MYO1H: variants seen among roughly 807,000 people sequenced by gnomAD.
MYO1H encodes the protein myosin IH.
A neutral mutation model predicts 149.3 loss-of-function variants in MYO1H; 118 were observed. The observed-to-expected ratio is 0.79, with a 90% CI of 0.68 to 0.92. The LOEUF is 0.92. Among genes scored for constraint, MYO1H ranks in the 40% least tolerant of loss-of-function variants. The pLI is 0.00. For synonymous variants in MYO1H, 447 were observed against 465.2 expected (o/e 0.96, Z 0.50); for missense variants, 1,212 against 1,280.7 (o/e 0.95, Z 0.82).
At chr12:109,411,943 A>C (rs548468493) in exon 14 of MYO1H, 2 of 1,606,142 alleles carry the variant, frequency 1.2e-6, no homozygotes, top group South Asian at 2.2e-5. Context: ...AGTTTCCTGG[A>C]GAAATTGGAA....
chr12:109,394,419 A>C (rs1195355879), intron 3 of MYO1H, among the ~76,000 whole-genome samples: 1 of 152,230 alleles, frequency 6.6e-6, no homozygotes, highest in African/African-American at 2.4e-5. Flanking sequence ...CCTTGATATC[A>C]GTTTTCACAA....
intron 15 of MYO1H, among the ~76,000 whole-genome samples, chr12:109,418,279 G>A (rs779508763): frequency 1.3e-4 from 20 of 151,416 alleles, no homozygotes; most frequent in Admixed American, 5.3e-4. Context: ...TTTTAGTTTT[G>A]ATGAAGTCTA....
At chr12:109,333,452 T>C in the MYO1H span, among the ~76,000 whole-genome samples, 1 of 152,166 alleles carries the variant, frequency 6.6e-6, no homozygotes, top group East Asian at 1.9e-4. Context: ...TGGTTTTCTC[T>C]CCTTCTCCAT....
At chr12:109,440,479 G>A in intron 24 of MYO1H, 1 of 417,832 alleles carries the variant, frequency 2.4e-6, no homozygotes, top group African/African-American at 2.0e-5. Flanking sequence ...TGGACCCACT[G>A]AGTCAGAATC....
intron 19 of MYO1H, among the ~76,000 whole-genome samples, chr12:109,432,356 C>CA: frequency 6.6e-6 from 1 of 152,130 alleles, no homozygotes. Context: ...TGCCTGGCCT[C>CA]AAGTGATCCT....
At chr12:109,432,070 C>T (rs1368747148) in intron 19 of MYO1H, among the ~76,000 whole-genome samples, 2 of 141,310 alleles carry the variant, frequency 1.4e-5, no homozygotes, top group Non-Finnish European at 3.0e-5. Context: ...GGCGCAATCT[C>T]GGCTCACTGC....
At chr12:109,345,356 GC>G (rs1322290495), upstream of MYO1H, among the ~76,000 whole-genome samples, 15 of 152,304 alleles carry the variant, frequency 9.8e-5, no homozygotes, top group African/African-American at 3.4e-4. Context: ...ATGAAAAGAT[GC>G]TTAGCATCGT....
intron 19 of MYO1H, among the ~76,000 whole-genome samples, chr12:109,431,992 A>ATTTT (rs554701536): frequency 1.4e-4 from 12 of 85,746 alleles, no homozygotes; most frequent in African/African-American, 3.2e-4. Flanking sequence ...TAAAAAAAAA[A>ATTTT]TTTTTTTTTT....
chr12:109,384,100 C>G (rs1869258859), intron 1 of MYO1H, among the ~76,000 whole-genome samples: 1 of 152,200 alleles, frequency 6.6e-6, no homozygotes, highest in Non-Finnish European at 1.5e-5. Flanking sequence ...GAAGTTCTGG[C>G]AACACAGGCC....
At chr12:109,370,223 C>G (rs73403723) in intron 1 of MYO1H, among the ~76,000 whole-genome samples, 3,835 of 152,322 alleles carry the variant, frequency 0.025, 159 homozygotes, top group African/African-American at 0.086. Flanking sequence ...ATTCCCCTCC[C>G]TGGCTGAAGC....
intron 27 of MYO1H, among the ~76,000 whole-genome samples, chr12:109,443,294 GTGTGTATATA>G (rs1872311146): frequency 6.9e-6 from 1 of 145,856 alleles, no homozygotes; most frequent in Non-Finnish European, 1.5e-5. Flanking sequence ...ACGTATATAT[GTGTGTATATA>G]TGTGTACGTA....
intron 1 of MYO1H, 32 bp from the exon 2 acceptor site, chr12:109,388,651 T>C (rs1047328303): frequency 1.3e-6 from 2 of 1,506,082 alleles, no homozygotes; most frequent in East Asian, 4.6e-5. Context: ...ACCAAATAGA[T>C]GAGCTGCTGA....
chr12:109,321,955 G>C, the MYO1H span, among the ~76,000 whole-genome samples: 1 of 152,040 alleles, frequency 6.6e-6, no homozygotes, highest in Admixed American at 6.6e-5. Context: ...CCAAGAAATT[G>C]TACACAGGTC....
At chr12:109,312,471 G>A in the MYO1H span, among the ~76,000 whole-genome samples, 4 of 152,102 alleles carry the variant, frequency 2.6e-5, no homozygotes, top group African/African-American at 9.7e-5. Context: ...TCCTGACCTC[G>A]TGATCTGCCC....
intron 1 of MYO1H, among the ~76,000 whole-genome samples, chr12:109,355,711 G>A (rs1868577581): frequency 6.7e-6 from 1 of 150,160 alleles, no homozygotes; most frequent in South Asian, 2.1e-4. Context: ...GTTTTTCTTT[G>A]TTTGTTTTTT....
the MYO1H span, among the ~76,000 whole-genome samples, chr12:109,316,741 A>C: frequency 6.6e-6 from 1 of 152,118 alleles, no homozygotes; most frequent in African/African-American, 2.4e-5. Flanking sequence ...AAAGACCCCC[A>C]CAACTTGGGC....
rs933600311 is a variant in MYO1H, at chr12:109,412,117, T to C, written c.1502+132T>C. 16 of 590,126 alleles carry C rather than the reference T, an allele frequency of 2.7e-5. No individual in the cohort carries two copies. In the South Asian group the frequency reaches 3.2e-4, roughly 12 times the overall value. The allele number at this position is 590,126 out of a possible 1,614,324, so 36.6% of individuals were successfully genotyped here. ...AAAATATCTTTATGTATACCACTCA[T>C]AGATGTGCCAGACCTTTGTTAGTAG... On this transcript the variant is annotated intron_variant, in intron 14 of 31. Transcript: ENST00000310903.
chr12:109,410,851 G>T (rs1221005596), intron 13 of MYO1H, 83 bp downstream of exon 13: 2 of 972,548 alleles, frequency 2.1e-6, no homozygotes, highest in Middle Eastern at 4.2e-4. Context: ...CTTAAAAAGG[G>T]TTGAGCCAGG....
At chr12:109,377,451 C>G (rs1218735226) in intron 1 of MYO1H, among the ~76,000 whole-genome samples, 4 of 152,128 alleles carry the variant, frequency 2.6e-5, no homozygotes, top group Non-Finnish European at 4.4e-5. Flanking sequence ...AAAACTCACT[C>G]ACCCTGAGGG....
Sources: gnomAD v4.1 joint callset for allele counts (sites outside exome capture counted in the v4.1 genomes callset) on GRCh38, gnomAD v4.1.1 for gene constraint, MANE v1.5 for transcripts, NCBI Gene and HGNC (gene_info 2026-07-23, HGNC 2026-07-21) for gene names.